Variants in DCAF6 observed in about 807,000 individuals in gnomAD.
DCAF6 encodes DDB1- and CUL4-associated factor 6.
In DCAF6, 54 loss-of-function variants were observed where a neutral mutation model predicts 125.1. The ratio of observed to expected loss-of-function variants is 0.43; its 90% CI spans 0.35 to 0.54. DCAF6 has a LOEUF of 0.54. Among genes scored for constraint, DCAF6 ranks in the 20% least tolerant of loss-of-function variants. The pLI, the probability that DCAF6 is intolerant of heterozygous loss-of-function variation, is 0.01. For missense variants in DCAF6, 934 were observed against 1,161.7 expected, an observed-to-expected ratio of 0.80 and a Z score of 2.85; for synonymous variants, 371 against 390.4, an observed-to-expected ratio of 0.95 and a Z score of 0.58.
chr1:167,992,252 TACACACACACAC>T (rs761598229), intron 6 of DCAF6, among the ~76,000 whole-genome samples: 1 of 143,092 alleles, frequency 7.0e-6, no homozygotes, highest in Non-Finnish European at 1.5e-5. Flanking sequence ...AGGCCAGGAT[TACACACACACAC>T]ACACACACAC....
At chr1:167,883,686 C>A in the DCAF6 span, 6 of 1,518,944 alleles carry the variant, frequency 4.0e-6, no homozygotes, top group Non-Finnish European at 5.5e-6. Flanking sequence ...CCTCCCCCAA[C>A]ACCGCCCCCA....
chr1:167,902,103 G>C, the DCAF6 span: 3 of 1,542,884 alleles, frequency 1.9e-6, no homozygotes, highest in African/African-American at 2.7e-5. Flanking sequence ...CTTAAAGGTA[G>C]TAAAAAAACA....
chr1:168,012,944 C>T (rs1449412107), intron 10 of DCAF6, among the ~76,000 whole-genome samples: 2 of 152,014 alleles, frequency 1.3e-5, no homozygotes, highest in Non-Finnish European at 1.5e-5. Flanking sequence ...TTTATGTCTT[C>T]ATAAAACATT....
the DCAF6 span, chr1:167,883,332 C>G: frequency 1.5e-6 from 2 of 1,342,654 alleles, no homozygotes; most frequent in Non-Finnish European, 1.1e-6. Context: ...GCCACCACGC[C>G]CAGCCTCTAG....
chr1:167,918,198 A>C, the DCAF6 span: 65,762 of 667,502 alleles, frequency 0.099, 4,171 homozygotes, highest in African/African-American at 0.23. Context: ...TTGAATCAAG[A>C]ACTAGCTACC....
intron 10 of DCAF6, among the ~76,000 whole-genome samples, chr1:168,006,449 CATT>C (rs1341806065): frequency 6.6e-6 from 1 of 152,082 alleles, no homozygotes; most frequent in Non-Finnish European, 1.5e-5. Context: ...GTTATCAAGA[CATT>C]ATCACTATTG....
the DCAF6 span, among the ~76,000 whole-genome samples, chr1:167,866,264 G>A: frequency 6.6e-6 from 1 of 152,230 alleles, no homozygotes; most frequent in South Asian, 2.1e-4. Context: ...AGCGAGAGAA[G>A]CCCCCTTATA....
the DCAF6 span, among the ~76,000 whole-genome samples, chr1:167,909,797 C>T: frequency 6.6e-6 from 1 of 152,176 alleles, no homozygotes; most frequent in Non-Finnish European, 1.5e-5. Flanking sequence ...GGCTTTTCAA[C>T]TTTTAGTCAT....
intron 18 of DCAF6, among the ~76,000 whole-genome samples, chr1:168,065,042 A>T (rs1404519028): frequency 6.6e-6 from 1 of 152,248 alleles, no homozygotes; most frequent in South Asian, 2.1e-4. Context: ...TCATTGTCTT[A>T]TAAAGCTAAA....
chr1:168,030,016 G>C (rs1424250226), intron 12 of DCAF6, among the ~76,000 whole-genome samples: 2 of 151,840 alleles, frequency 1.3e-5, no homozygotes, highest in Non-Finnish European at 2.9e-5. Flanking sequence ...GTCTAAGGTT[G>C]CACACAGCTA....
At chr1:167,880,352 G>A in the DCAF6 span, 2 of 952,570 alleles carry the variant, frequency 2.1e-6, no homozygotes, top group South Asian at 2.7e-5. Context: ...GCCCGGAGAT[G>A]CGAAGGAGGA....
intron 16 of DCAF6, among the ~76,000 whole-genome samples, chr1:168,050,094 C>G (rs924721382): frequency 2.7e-5 from 4 of 149,902 alleles, no homozygotes; most frequent in Non-Finnish European, 5.9e-5. Context: ...TCTAAGAAAG[C>G]TTCCTGAATA....
intron 10 of DCAF6, among the ~76,000 whole-genome samples, chr1:168,015,308 G>T (rs2103173358): frequency 6.6e-6 from 1 of 152,022 alleles, no homozygotes; most frequent in Admixed American, 6.5e-5. Context: ...CTTTTTTAGA[G>T]CTCTTCTCAA....
chr1:167,900,488 T>C, the DCAF6 span, among the ~76,000 whole-genome samples: 1 of 152,082 alleles, frequency 6.6e-6, no homozygotes, highest in Non-Finnish European at 1.5e-5. Flanking sequence ...AAATATTCAG[T>C]ATTATAATAA....
At chr1:168,030,293 G>A (rs1415709156) in intron 12 of DCAF6, among the ~76,000 whole-genome samples, 1 of 152,220 alleles carries the variant, frequency 6.6e-6, no homozygotes. Context: ...AATAAGTTAG[G>A]TGAAGGAGCA....
chr1:168,044,707 G>C, intron 15 of DCAF6, 36 bp downstream of exon 15: 1 of 1,541,466 alleles, frequency 6.5e-7, no homozygotes, highest in Non-Finnish European at 9.0e-7. Flanking sequence ...CTTTGTATGG[G>C]AAAATAAAAA....
At chr1:167,935,320 A>G (rs543801281), upstream of DCAF6, among the ~76,000 whole-genome samples, 16 of 152,374 alleles carry the variant, frequency 1.1e-4, no homozygotes, top group African/African-American at 3.8e-4. Flanking sequence ...CCTTTACTCC[A>G]AACCCTACAG....
the DCAF6 span, chr1:167,883,630 T>C: frequency 6.2e-7 from 1 of 1,614,210 alleles, no homozygotes; most frequent in South Asian, 1.1e-5. Context: ...GTTATCAATC[T>C]GCAAAGTAGA....
the DCAF6 span, among the ~76,000 whole-genome samples, chr1:167,870,821 A>G: frequency 6.6e-6 from 1 of 151,744 alleles, no homozygotes; most frequent in South Asian, 2.1e-4. Flanking sequence ...AAAAAAAAAA[A>G]AACTTGGAAT....
Sources: allele counts gnomAD v4.1 joint callset (sites outside exome capture counted in the v4.1 genomes callset), GRCh38; gene constraint gnomAD v4.1.1; transcripts MANE v1.5; gene names NCBI Gene and HGNC (gene_info 2026-07-23, HGNC 2026-07-21).